RAB21: variants seen among roughly 807,000 people sequenced by gnomAD.
RAB21 encodes ras-related protein Rab-21.
RAB21 carries 13 observed loss-of-function variants against 33.1 expected under a neutral mutation model. The observed-to-expected ratio is 0.39, with a 90% CI of 0.26 to 0.62. RAB21 has a LOEUF of 0.62. RAB21 is among the 20% of genes least tolerant of loss of function. The pLI is 0.48. For missense variants in RAB21, 234 were observed against 279.1 expected (o/e 0.84, Z 1.15); for synonymous variants, 91 against 103.7 (o/e 0.88, Z 0.74).
At chr12:71,769,177 A>G (rs867619408) in intron 1 of RAB21, among the ~76,000 whole-genome samples, 1 of 152,164 alleles carries the variant, frequency 6.6e-6, no homozygotes, top group Non-Finnish European at 1.5e-5. Context: ...ACTCATTCAG[A>G]CAACTGTTAT....
chr12:71,796,993 G>A lies in RAB21; in HGVS notation c.*11320G>A, dbSNP rs1279152770. The stretch of plus-strand genomic sequence containing the variant: ...TGTGGGTGGTATTGAGAAAAGTGGT[G>A]GAAATAAATACATTGAGCAGATTCA... On this transcript the variant is annotated 3_prime_UTR_variant, in exon 7 of 7. Transcript: ENST00000261263. The A allele has an allele frequency of 6.6e-6, 1 of 152,130 alleles. No individual in the cohort carries two copies. The highest frequency in any genetic ancestry group is 1.5e-5 in the Non-Finnish European group (1 of 68,000). 9.4% of individuals were successfully genotyped at this position (152,130 alleles called of 1,614,324 possible). A position where few individuals can be genotyped will look rare whatever the true frequency, so the allele number is the denominator to read the frequency against.
chr12:71,782,254 CCTTA>C (rs1883213078), intron 5 of RAB21, among the ~76,000 whole-genome samples, 169 bp downstream of exon 5: 6 of 152,230 alleles, frequency 3.9e-5, no homozygotes, highest in Admixed American at 2.6e-4. Context: ...GCAATAAAGC[CCTTA>C]CTTCCCTTTT....
chr12:71,783,844 C>T (rs896541186), intron 6 of RAB21, among the ~76,000 whole-genome samples: 2 of 152,088 alleles, frequency 1.3e-5, no homozygotes, highest in African/African-American at 4.8e-5. Context: ...TATCCTCCTT[C>T]CTTACCTCCC....
rs371113528 is a variant in RAB21, at chr12:71,774,014, G to T, written c.383G>T (p.Cys128Phe). The T allele has an allele frequency of 1.3e-6, 2 of 1,579,986 alleles. No homozygotes were observed. The highest frequency in any genetic ancestry group is 3.7e-5 in the Admixed American group (2 of 53,428). Residue 128 changes from cysteine to phenylalanine, a missense_variant, in exon 4 of 7, where the codon TGT becomes TTT. Coordinates refer to ENST00000261263, the MANE Select transcript of RAB21 (RefSeq NM_014999.4). ...RKMLGNEICLCIVGNKIDLEK... is the reference protein window; with the variant it reads ...RKMLGNEICLFIVGNKIDLEK... ...ATGTTGGGAAATGAAATCTGTTTAT[G>T]TATAGTTGGTAAGCATCATTACTTT...
chr12:71,771,571 C>T (rs994084078), intron 3 of RAB21, among the ~76,000 whole-genome samples: 9 of 151,992 alleles, frequency 5.9e-5, no homozygotes, highest in African/African-American at 1.9e-4. Context: ...GAAAATGAAA[C>T]GATAGGTACC....
rs1426524554 is a variant in RAB21, at chr12:71,796,515, C to T, written c.*10842C>T. On this transcript the variant is annotated 3_prime_UTR_variant, in exon 7 of 7. Transcript: ENST00000261263. Reference sequence around the variant, plus strand: ...CATGTGTCTGGCTTATCCTTCCTATCTAGGAAACTGGTGTCATTAGGAAAT... The same window carrying T: ...CATGTGTCTGGCTTATCCTTCCTATTTAGGAAACTGGTGTCATTAGGAAAT... 1.5e-5 allele frequency: 2 copies of T among 137,304 alleles called. No homozygotes were observed. Among genetic ancestry groups the T allele is most frequent in the Non-Finnish European group, 3.0e-5 (2 of 65,882 alleles). 8.5% of individuals were successfully genotyped at this position (137,304 alleles called of 1,614,324 possible). A position where few individuals can be genotyped will look rare whatever the true frequency, so the allele number is the denominator to read the frequency against.
chr12:71,782,191 T>C, intron 5 of RAB21, 106 bp downstream of exon 5: 1 of 1,073,330 alleles, frequency 9.3e-7, no homozygotes, highest in Non-Finnish European at 1.4e-6. Context: ...TTAGCATGGA[T>C]TGAGGTGTTG....
intron 1 of RAB21, among the ~76,000 whole-genome samples, chr12:71,762,527 G>A (rs1415601998): frequency 1.3e-5 from 2 of 151,766 alleles, no homozygotes; most frequent in Non-Finnish European, 2.9e-5. Flanking sequence ...GGATGGTCTC[G>A]ATCTCCTGAC....
intron 6 of RAB21, among the ~76,000 whole-genome samples, chr12:71,785,176 T>C (rs943584386): frequency 6.6e-6 from 1 of 152,236 alleles, no homozygotes; most frequent in African/African-American, 2.4e-5. Flanking sequence ...CCCTAAATAT[T>C]ACTTGGAATA....
chr12:71,794,425 ATATTTTTTTTTTTT>A lies in RAB21; in HGVS notation c.*8754_*8767del, dbSNP rs1465547660. ...ATATATTATATATATATATATATAT[ATATTTTTTTTTTTT>A]TTTTTTTTTTTTTTTTTGAGACGGA... On this transcript the variant is annotated 3_prime_UTR_variant, in exon 7 of 7. Coordinates refer to ENST00000261263, the MANE Select transcript of RAB21 (RefSeq NM_014999.4). 6.4e-5 allele frequency: 3 copies of A among 46,566 alleles called. No individual in the cohort carries two copies. Among genetic ancestry groups the A allele is most frequent in the African/African-American group, 1.1e-4 (1 of 8,718 alleles). The allele number at this position is 46,566 out of a possible 1,614,324, so 2.9% of individuals were successfully genotyped here. A position where few individuals can be genotyped will look rare whatever the true frequency, so the allele number is the denominator to read the frequency against.
intron 5 of RAB21, chr12:71,782,331 C>A: frequency 3.8e-6 from 2 of 523,324 alleles, no homozygotes; most frequent in Admixed American, 7.4e-5. Context: ...AGGCAGTAAG[C>A]CAGAAAAACT....
chr12:71,770,506 T>C, intron 2 of RAB21, 86 bp from the exon 3 acceptor site: 1 of 905,464 alleles, frequency 1.1e-6, no homozygotes. Context: ...TGCCATATTT[T>C]CCAATTAATC....
Position 71,794,528 on chromosome 12 carries a change from C to G in RAB21, c.*8855C>G, listed in dbSNP as rs1323691230. 7.3e-6 allele frequency: 1 copy of G among 136,424 alleles called. No homozygotes were observed. The highest frequency in any genetic ancestry group is 1.5e-5 in the Non-Finnish European group (1 of 64,672). 8.5% of individuals were successfully genotyped at this position (136,424 alleles called of 1,614,324 possible). On this transcript the variant is annotated 3_prime_UTR_variant, in exon 7 of 7. Transcript: ENST00000261263. Reference sequence around the variant, plus strand: ...CTCGGCTCACTGCAAGCTCCGGCTCCCGAGTTCACACCATTCTCCTGCCTC... The same window carrying G: ...CTCGGCTCACTGCAAGCTCCGGCTCGCGAGTTCACACCATTCTCCTGCCTC...
intron 1 of RAB21, among the ~76,000 whole-genome samples, chr12:71,768,868 A>G (rs1354569886): frequency 6.6e-6 from 1 of 152,210 alleles, no homozygotes; most frequent in Non-Finnish European, 1.5e-5. Context: ...GCAGCATCCT[A>G]ATGTGTTAAT....
At position 71,794,298 on chromosome 12, in the gene RAB21, G is replaced by A. The variant is rs1043479638; in HGVS notation, c.*8625G>A. ...CGCCTGTAATCCCAGCACTTTTGGAGGCTAAGGCAGGTGGACCACCTGAGG... is the reference window on the plus strand; with the variant it reads ...CGCCTGTAATCCCAGCACTTTTGGAAGCTAAGGCAGGTGGACCACCTGAGG... On this transcript the variant is annotated 3_prime_UTR_variant, in exon 7 of 7. Coordinates refer to ENST00000261263, the MANE Select transcript of RAB21 (RefSeq NM_014999.4). The A allele has an allele frequency of 6.7e-6, 1 of 149,428 alleles. No individual in the cohort carries two copies. The highest frequency in any genetic ancestry group is 1.5e-5 in the Non-Finnish European group (1 of 67,468). 9.3% of individuals were successfully genotyped at this position (149,428 alleles called of 1,614,324 possible).
rs914710770 is a variant in RAB21 at position 71,793,292 on chromosome 12, A to G, written c.*7619A>G. ...AGAACACAATCCATTCCTGAGTCATAGTAGGATAGTTTGTGTAATTCTAAA... is the reference window on the plus strand; with the variant it reads ...AGAACACAATCCATTCCTGAGTCATGGTAGGATAGTTTGTGTAATTCTAAA... On this transcript the variant is annotated 3_prime_UTR_variant, in exon 7 of 7. Coordinates refer to ENST00000261263, the MANE Select transcript of RAB21 (RefSeq NM_014999.4). The G allele has an allele frequency of 2.0e-5, 3 of 152,186 alleles. No homozygotes were observed. Among genetic ancestry groups the G allele is most frequent in the East Asian group, 1.9e-4 (1 of 5,198 alleles). 9.4% of individuals were successfully genotyped at this position (152,186 alleles called of 1,614,324 possible).
At chr12:71,780,513 T>C (rs911315716) in intron 4 of RAB21, among the ~76,000 whole-genome samples, 38 of 152,296 alleles carry the variant, frequency 2.5e-4, no homozygotes, top group African/African-American at 8.9e-4. Context: ...ACAAATATAA[T>C]GTAGGAAGTT....
chr12:71,771,157 C>T (rs953772919), intron 3 of RAB21, among the ~76,000 whole-genome samples: 8 of 152,062 alleles, frequency 5.3e-5, no homozygotes, highest in African/African-American at 1.9e-4. Context: ...TTCTCCTTGC[C>T]AAATATAATA....
chr12:71,772,944 T>TA (rs1298307461), intron 3 of RAB21, among the ~76,000 whole-genome samples: 1 of 152,222 alleles, frequency 6.6e-6, no homozygotes, highest in Non-Finnish European at 1.5e-5. Flanking sequence ...GGGGAAGTGT[T>TA]ACATTTGTAC....
Sources: allele counts gnomAD v4.1 joint callset (sites outside exome capture counted in the v4.1 genomes callset), GRCh38; gene constraint gnomAD v4.1.1; transcripts MANE v1.5; gene names NCBI Gene and HGNC (gene_info 2026-07-23, HGNC 2026-07-21).